Variants in HECW2 observed in about 807,000 individuals in gnomAD.
HECW2 encodes the protein HECT, C2 and WW domain containing E3 ubiquitin protein ligase 2, also known as E3 ubiquitin-protein ligase HECW2.
Under a neutral mutation model 175.2 loss-of-function variants are expected in HECW2, and 61 were observed. The observed-to-expected ratio is 0.35, with a 90% confidence interval of 0.28 to 0.43. The LOEUF (loss-of-function observed/expected upper bound fraction) is 0.43. HECW2 is among the 20% of genes least tolerant of loss of function. The pLI is 1.00. For missense variants in HECW2, 1,524 were observed against 2,000.5 expected, an observed-to-expected ratio of 0.76 and a Z score of 4.54; for synonymous variants, 671 against 731.0, an observed-to-expected ratio of 0.92 and a Z score of 1.32.
chr2:196,313,986 A>G (rs1190815445), intron 10 of HECW2, among the ~76,000 whole-genome samples: 2 of 152,216 alleles, frequency 1.3e-5, no homozygotes, highest in South Asian at 2.1e-4. Context: ...ACTTGAGCCC[A>G]GGAGTTTGAG....
At position 196,468,715 on chromosome 2, in the gene HECW2, G is replaced by A. The variant is rs185824730; in HGVS notation, c.-35-35257C>T. Among the ~76,000 whole-genome samples, 93 of 152,162 alleles carry A rather than the reference G, an allele frequency of 6.1e-4. No homozygotes were observed. In the South Asian group the frequency reaches 6.7e-3, roughly 11 times the overall value. On this transcript the variant is annotated intron_variant, in intron 1 of 28. Coordinates refer to ENST00000644978, the MANE Select transcript of HECW2 (RefSeq NM_001348768.2). Reference sequence around the variant, plus strand: ...CTACAGATTTTCCACATGAATGAAGGTCTGAGGTGTGTTTTCAAAATAACT... The same window carrying A: ...CTACAGATTTTCCACATGAATGAAGATCTGAGGTGTGTTTTCAAAATAACT...
At chr2:196,389,168 G>A (rs1432270731) in intron 2 of HECW2, among the ~76,000 whole-genome samples, 1 of 152,070 alleles carries the variant, frequency 6.6e-6, no homozygotes, top group Non-Finnish European at 1.5e-5. Flanking sequence ...ACCCATATCT[G>A]ATTTCTCTCT....
chr2:196,426,987 C>A (rs969326189), intron 2 of HECW2, among the ~76,000 whole-genome samples: 1 of 152,106 alleles, frequency 6.6e-6, no homozygotes, highest in African/African-American at 2.4e-5. Flanking sequence ...GTTGTTCTGC[C>A]ATTCACTTTT....
chr2:196,301,725 G>GTT (rs377063164), intron 13 of HECW2, among the ~76,000 whole-genome samples: 5 of 112,890 alleles, frequency 4.4e-5, no homozygotes, highest in African/African-American at 9.7e-5. Flanking sequence ...TAATGGGATT[G>GTT]TTTTTTTTTT....
intron 1 of HECW2, among the ~76,000 whole-genome samples, chr2:196,516,601 G>A (rs947618535): frequency 2.6e-5 from 4 of 152,066 alleles, no homozygotes; most frequent in Admixed American, 2.0e-4. Context: ...CAGTCCACAA[G>A]GTATCGGGAA....
chr2:196,352,703 A>C (rs1322294757), intron 2 of HECW2, among the ~76,000 whole-genome samples: 7 of 152,182 alleles, frequency 4.6e-5, no homozygotes, highest in African/African-American at 1.7e-4. Context: ...TTCTAGATGT[A>C]CTAGGCAAAG....
chr2:196,381,930 T>C (rs1694217547), intron 2 of HECW2, among the ~76,000 whole-genome samples: 2 of 152,154 alleles, frequency 1.3e-5, no homozygotes, highest in Admixed American at 6.5e-5. Flanking sequence ...TTGTTTGTAA[T>C]AGAGAAAACT....
chr2:196,530,137 G>C (rs961448795), intron 1 of HECW2, among the ~76,000 whole-genome samples: 8 of 152,160 alleles, frequency 5.3e-5, no homozygotes, highest in African/African-American at 1.9e-4. Flanking sequence ...GAATAGACTT[G>C]TCCTCTTTAA....
chr2:196,548,694 G>A (rs1475124179), intron 1 of HECW2, among the ~76,000 whole-genome samples: 3 of 152,184 alleles, frequency 2.0e-5, no homozygotes, highest in African/African-American at 7.2e-5. Context: ...CAGCCTGGGT[G>A]GCTTAAACAA....
chr2:196,433,207 C>T lies in HECW2; in HGVS notation c.217G>A (p.Ala73Thr), dbSNP rs1334503506. 13 of 1,614,194 alleles carry T rather than the reference C, an allele frequency of 8.1e-6. No individual in the cohort carries two copies. Among genetic ancestry groups the T allele is most frequent in the East Asian group, 2.2e-5 (1 of 44,878 alleles). ...TCCCAGAAGATAATGAGGTTCTGGG[C>T]TTGCCCCAGCGTGTACTCGTACATG... Reference protein sequence around the residue: ...ASMYEYTLGQAQNLIIFWDIK... With the variant: ...ASMYEYTLGQTQNLIIFWDIK... Residue 73 changes from alanine to threonine, a missense_variant, in exon 2 of 29, where the codon GCC (alanine) becomes ACC (threonine). Transcript: ENST00000644978.
chr2:196,576,940 A>C (rs1342613721), intron 1 of HECW2, among the ~76,000 whole-genome samples: 1 of 152,234 alleles, frequency 6.6e-6, no homozygotes, highest in Non-Finnish European at 1.5e-5. Flanking sequence ...TCCAGTTTTC[A>C]ATCATCTAAG....
intron 15 of HECW2, among the ~76,000 whole-genome samples, chr2:196,275,401 G>A (rs4261741): frequency 0.9 from 137,657 of 152,316 alleles, 62,257 homozygotes; most frequent in Admixed American, 0.94. Context: ...AGCATTTTTC[G>A]TTCATATTTT....
chr2:196,390,798 A>T (rs1221676046), intron 2 of HECW2, among the ~76,000 whole-genome samples: 2 of 152,222 alleles, frequency 1.3e-5, no homozygotes, highest in African/African-American at 4.8e-5. Context: ...GTAGATTAAG[A>T]CATCACAACA....
intron 19 of HECW2, among the ~76,000 whole-genome samples, chr2:196,248,576 T>TGAGA (rs60292936): frequency 0.55 from 77,305 of 140,268 alleles, 23,641 homozygotes; most frequent in Non-Finnish European, 0.69. Flanking sequence ...GAGGGACAGA[T>TGAGA]GAGAGAGAGA....
At chr2:196,326,269 C>T (rs1354679704) in intron 5 of HECW2, among the ~76,000 whole-genome samples, 1 of 152,026 alleles carries the variant, frequency 6.6e-6, no homozygotes, top group Non-Finnish European at 1.5e-5. Context: ...CTGAAATTGC[C>T]CATAGAACCG....
intron 2 of HECW2, among the ~76,000 whole-genome samples, chr2:196,365,074 A>G (rs865784046): frequency 4.6e-5 from 7 of 152,366 alleles, no homozygotes; most frequent in Middle Eastern, 3.4e-3. Flanking sequence ...CAACATTCAA[A>G]GCTATTGATC....
chr2:196,294,521 G>A (rs1340510886), intron 13 of HECW2, among the ~76,000 whole-genome samples: 2 of 152,104 alleles, frequency 1.3e-5, no homozygotes, highest in Non-Finnish European at 2.9e-5. Context: ...AACTTTATGG[G>A]TTGTTATCTA....
intron 2 of HECW2, among the ~76,000 whole-genome samples, chr2:196,361,585 G>A (rs2105884135): frequency 6.6e-6 from 1 of 152,144 alleles, no homozygotes; most frequent in East Asian, 1.9e-4. Context: ...CTGTCTATAT[G>A]TAACAGTTTT....
chr2:196,318,015 A>G (rs922005761), intron 9 of HECW2, among the ~76,000 whole-genome samples: 1 of 152,246 alleles, frequency 6.6e-6, no homozygotes, highest in Non-Finnish European at 1.5e-5. Flanking sequence ...GATGCATAGC[A>G]TACATTAATC....
Sources: gnomAD v4.1 joint callset for allele counts (sites outside exome capture counted in the v4.1 genomes callset) on GRCh38, gnomAD v4.1.1 for gene constraint, MANE v1.5 for transcripts, NCBI Gene and HGNC (gene_info 2026-07-23, HGNC 2026-07-21) for gene names.